Variants in SLC8A2 observed in about 807,000 individuals in gnomAD.
SLC8A2 encodes the protein sodium/calcium exchanger 2.
In SLC8A2, 14 loss-of-function variants were observed where a neutral mutation model predicts 70.2. The observed-to-expected ratio is 0.20, with a 90% CI of 0.13 to 0.31. SLC8A2 has a LOEUF of 0.31. SLC8A2 is among the 10% of genes least tolerant of loss of function. The pLI is 1.00. For synonymous variants in SLC8A2, 575 were observed against 594.3 expected (o/e 0.97, Z 0.47); for missense variants, 779 against 1,320.1 (o/e 0.59, Z 6.35).
Position 47,447,415 on chromosome 19 carries a change from C to G in SLC8A2, c.1763+394G>C. On this transcript the variant is annotated intron_variant, in intron 4 of 9. Coordinates refer to ENST00000236877, the MANE Select transcript of SLC8A2 (RefSeq NM_015063.3). This position sits in a 1 kb window ranked among gnomAD's most constrained non-coding sequence, Gnocchi z 5.1. The stretch of plus-strand genomic sequence containing the variant: ...CTCCTCACCTCGTCCCCCCTTCCTC[C>G]TTGGGGCCCTCTTCTCACCTGTCCG... 1 of 264,282 alleles carries G rather than the reference C, an allele frequency of 3.8e-6. No homozygotes were observed. The highest frequency in any genetic ancestry group is 7.3e-6 in the Non-Finnish European group (1 of 137,654). 16.4% of individuals were successfully genotyped at this position (264,282 alleles called of 1,614,324 possible). A position where few individuals can be genotyped will look rare whatever the true frequency, so the allele number is the denominator to read the frequency against.
intron 3 of SLC8A2, among the ~76,000 whole-genome samples, chr19:47,454,762 A>G (rs1004994301): frequency 1.3e-5 from 2 of 152,198 alleles, no homozygotes; most frequent in African/African-American, 4.8e-5. Flanking sequence ...AAAAGCAGCC[A>G]GGCACACAGT....
rs1280160296 is a variant in SLC8A2, at chr19:47,466,818, G to C, written c.-16-399C>G. ...TGCGGTGGCTACGCCTGTAATCCCT[G>C]AACTTTGGGAGGCTGAGGTGGGTGG... is the stretch of plus-strand genomic sequence containing the variant. On this transcript the variant is annotated intron_variant, in intron 1 of 9. Coordinates refer to ENST00000236877, the MANE Select transcript of SLC8A2 (RefSeq NM_015063.3). This position sits in a 1 kb window ranked among gnomAD's most constrained non-coding sequence, Gnocchi z 6.9. 6.6e-6 allele frequency among the ~76,000 whole-genome samples: 1 copy of C among 152,144 alleles called. No individual in the cohort carries two copies. Among genetic ancestry groups the C allele is most frequent in the Admixed American group, 6.5e-5 (1 of 15,274 alleles).
chr19:47,457,552 C>T lies in SLC8A2; in HGVS notation c.718G>A (p.Val240Met). 6.3e-7 allele frequency: 1 copy of T among 1,594,546 alleles called. No homozygotes were observed. The highest frequency in any genetic ancestry group is 8.5e-7 in the Non-Finnish European group (1 of 1,171,118). Residue 240 changes from valine to methionine, a missense_variant, in exon 3 of 10, where the codon GTG becomes ATG. Coordinates refer to ENST00000236877, the MANE Select transcript of SLC8A2 (RefSeq NM_015063.3). The stretch of plus-strand genomic sequence containing the variant: ...TTGTCGGCCATCCAGGCGAATACCA[C>T]GCACACCGGGAAGAAGACCAGGGTC... The part of the protein sequence containing the change: ...LLTLVFFPVC[V>M]VFAWMADKRL...
intron 3 of SLC8A2, among the ~76,000 whole-genome samples, chr19:47,451,313 TTTTG>T (rs893553293): frequency 2.1e-5 from 3 of 144,214 alleles, no homozygotes; most frequent in African/African-American, 8.6e-5. Context: ...CAGACCTTTT[TTTTG>T]TTTTTGTTTG....
In SLC8A2 at chr19:47,464,332, G is replaced by A. The variant is rs147013274; in HGVS notation, c.675+1397C>T. 5.6e-3 allele frequency among the ~76,000 whole-genome samples: 856 copies of A among 152,054 alleles called. 11 individuals are homozygous for A. The highest frequency in any genetic ancestry group is 0.02 in the African/African-American group (812 of 41,472). On this transcript the variant is annotated intron_variant, in intron 2 of 9. Coordinates refer to ENST00000236877, the MANE Select transcript of SLC8A2 (RefSeq NM_015063.3). ...TCACCATGTTGGCCAGGCTGGTCTC[G>A]AACTCCTGACCTCAAGTGATCTTCC...
chr19:47,443,059 C>T (rs1967117927), intron 4 of SLC8A2, among the ~76,000 whole-genome samples: 3 of 152,096 alleles, frequency 2.0e-5, no homozygotes, highest in Admixed American at 2.0e-4. Flanking sequence ...CATTTGCTTC[C>T]CCATCTTTAA....
At position 47,430,133 on chromosome 19, in the gene SLC8A2, G is replaced by C. The variant is rs1966935591; in HGVS notation, c.2722C>G (p.Leu908Val). The C allele has an allele frequency of 4.4e-6, 7 of 1,593,084 alleles. No individual in the cohort carries two copies. In the South Asian group the frequency reaches 6.8e-5, roughly 15 times the overall value. ...LFLGLWLLYILFASLEAYCHI... is the reference protein window; with the variant it reads ...LFLGLWLLYIVFASLEAYCHI... ...CAGTACGCCTCCAGGCTGGCGAAGA[G>C]GATGTACAGGAGCCAGAGGCCCAGG... Residue 908 changes from leucine to valine, a missense_variant, in exon 10 of 10, where the codon CTC becomes GTC. Leu to Val is a conservative substitution (Grantham distance 32, BLOSUM62 1). Transcript: ENST00000236877. This position sits in a 1 kb window ranked among gnomAD's most constrained non-coding sequence, Gnocchi z 5.9.
intron 8 of SLC8A2, among the ~76,000 whole-genome samples, chr19:47,434,802 C>T (rs1476900548): frequency 1.3e-5 from 2 of 152,158 alleles, no homozygotes; most frequent in Admixed American, 6.5e-5. Flanking sequence ...AACCAAAAGG[C>T]ACGTGCTGAA....
chr19:47,470,287 GC>G (rs1967517127), intron 1 of SLC8A2, among the ~76,000 whole-genome samples: 1 of 151,690 alleles, frequency 6.6e-6, no homozygotes, highest in South Asian at 2.1e-4. Context: ...GCCATCTGAA[GC>G]CCCCTCCGTG....
At position 47,457,577 on chromosome 19, in the gene SLC8A2, C is replaced by T; in HGVS notation, c.693G>A (p.Leu231=). Residue 231 remains leucine, a synonymous_variant, in exon 3 of 10, where the codon CTG becomes CTA. Transcript: ENST00000236877. ...CGCACACCGGGAAGAAGACCAGGGT[C>T]AGCAGCGCCTCCCACACCTGCGGGC... ...PGVVQVWEAL[L]TLVFFPVCVV... is the part of the protein sequence containing the mutation. 6.4e-7 allele frequency: 1 copy of T among 1,567,958 alleles called. No individual in the cohort carries two copies.
At position 47,428,843 on chromosome 19, in the gene SLC8A2, G is replaced by A. The variant is rs560009056; in HGVS notation, c.*1246C>T. The A allele has an allele frequency of 6.6e-6, 1 of 152,548 alleles. No individual in the cohort carries two copies. The highest frequency in any genetic ancestry group is 1.5e-5 in the Non-Finnish European group (1 of 68,052). The allele number at this position is 152,548 out of a possible 1,614,324, so 9.4% of individuals were successfully genotyped here. ...TGGGAAGCAGAAAGTTATGGGGGTA[G>A]TTGGGTCATCCTAGGGGCCCAAGGA... is the stretch of plus-strand genomic sequence containing the variant. On this transcript the variant is annotated 3_prime_UTR_variant, in exon 10 of 10. Coordinates refer to ENST00000236877, the MANE Select transcript of SLC8A2 (RefSeq NM_015063.3).
Position 47,447,474 on chromosome 19 carries a change from A to C in SLC8A2, c.1763+335T>G. ...TCTAGGCCTCGCCTCTTCATTTCAC[A>C]GTCACAACCCCACCAGGCCCCGCCC... On this transcript the variant is annotated intron_variant, in intron 4 of 9. Transcript: ENST00000236877. The surrounding 1 kb of genome is among the most constrained non-coding windows in gnomAD (Gnocchi z 5.1). The C allele has an allele frequency of 2.8e-6, 1 of 359,714 alleles. No individual in the cohort carries two copies. Among genetic ancestry groups the C allele is most frequent in the Non-Finnish European group, 5.1e-6 (1 of 196,834 alleles). The allele number at this position is 359,714 out of a possible 1,614,324, so 22.3% of individuals were successfully genotyped here. A position where few individuals can be genotyped will look rare whatever the true frequency, so the allele number is the denominator to read the frequency against.
intron 1 of SLC8A2, among the ~76,000 whole-genome samples, chr19:47,469,349 A>T (rs1288354667): frequency 6.6e-6 from 1 of 152,134 alleles, no homozygotes; most frequent in East Asian, 1.9e-4. Flanking sequence ...TTCAGGAGAA[A>T]CAGGGGCCAG....
chr19:47,466,392 CA>C lies in SLC8A2; in HGVS notation c.11del (p.Leu4ArgfsTer192). The C allele has an allele frequency of 7.0e-7, 1 of 1,419,190 alleles. No individual in the cohort carries two copies. The highest frequency in any genetic ancestry group is 9.2e-7 in the Non-Finnish European group (1 of 1,084,116). 87.9% of individuals were successfully genotyped at this position (1,419,190 alleles called of 1,614,324 possible). A position where few individuals can be genotyped will look rare whatever the true frequency, so the allele number is the denominator to read the frequency against. On this transcript the variant is annotated frameshift_variant, in exon 2 of 10. Transcript: ENST00000236877. LOFTEE classifies it high-confidence loss of function. This position sits in a 1 kb window ranked among gnomAD's most constrained non-coding sequence, Gnocchi z 6.9. MAP[L>X]ALVGVTLLLA... Reference sequence around the variant, plus strand: ...GGAGGAGTGTGACCCCCACCAAGGCCAGGGGAGCCATGGGGGGTGGTGGGGT... The same window carrying C: ...GGAGGAGTGTGACCCCCACCAAGGCCGGGGAGCCATGGGGGGTGGTGGGGT...
chr19:47,441,166 C>T lies in SLC8A2; in HGVS notation c.1885+3G>A. On this transcript the variant is annotated splice_donor_region_variant and intron_variant, in intron 6 of 9. Transcript: ENST00000236877. ...CTCAGAGCCCAGAGGTGACTTCACT[C>T]ACCTTGATTGAGTAGCAGAGCTGGG... 1 of 1,614,036 alleles carries T rather than the reference C, an allele frequency of 6.2e-7. No homozygotes were observed. Among genetic ancestry groups the T allele is most frequent in the Non-Finnish European group, 8.5e-7 (1 of 1,179,952 alleles).
rs1967184533 is a variant in SLC8A2 at position 47,447,755 on chromosome 19, G to T, written c.1763+54C>A. On this transcript the variant is annotated intron_variant, in intron 4 of 9. Coordinates refer to ENST00000236877, the MANE Select transcript of SLC8A2 (RefSeq NM_015063.3). This position sits in a 1 kb window ranked among gnomAD's most constrained non-coding sequence, Gnocchi z 5.1. ...AGGCCCCGCCCCTGAGCCACATCAG[G>T]CCTCGCCCATTCCGAAGCCCCGCCC... is the stretch of plus-strand genomic sequence containing the variant. 3.3e-6 allele frequency: 5 copies of T among 1,496,468 alleles called. No individual in the cohort carries two copies. The highest frequency in any genetic ancestry group is 1.8e-6 in the Non-Finnish European group (2 of 1,129,864). The allele number at this position is 1,496,468 out of a possible 1,614,324, so 92.7% of individuals were successfully genotyped here.
rs895524785 is a variant in SLC8A2 at position 47,435,550 on chromosome 19, G to GTTT, written c.2110+1909_2110+1911dup. On this transcript the variant is annotated intron_variant, in intron 8 of 9. Transcript: ENST00000236877. ...CGTCTCCTGCTAGTTTCTTTTCTTC[G>GTTT]TTTTTTTTTTTTTTTTTAGACGGAG... Among the ~76,000 whole-genome samples, 426 of 133,248 alleles carry GTTT rather than the reference G, an allele frequency of 3.2e-3. 6 individuals are homozygous for GTTT. The highest frequency in any genetic ancestry group is 0.01 in the African/African-American group (365 of 35,460). The allele number at this position is 133,248 out of a possible 152,430, so 87.4% of individuals were successfully genotyped here.
Position 47,465,914 on chromosome 19 carries a change from T to C in SLC8A2, c.490A>G (p.Thr164Ala). Residue 164 changes from threonine (T) to alanine (A), a missense_variant, in exon 2 of 10, where the codon ACC becomes GCC. Physicochemically the swap from Thr to Ala is moderately conservative, Grantham distance 58. Coordinates refer to ENST00000236877, the MANE Select transcript of SLC8A2 (RefSeq NM_015063.3). This position sits in a 1 kb window ranked among gnomAD's most constrained non-coding sequence, Gnocchi z 5.5. ...NFQAGELGPGTIVGSAAFNMF... is the reference protein window; with the variant it reads ...NFQAGELGPGAIVGSAAFNMF... ...TTGAAGGCAGCGCTGCCCACGATGG[T>C]GCCTGGGCCCAGCTCACCCGCCTGG... is the stretch of plus-strand genomic sequence containing the variant. 1 of 1,614,072 alleles carries C rather than the reference T, an allele frequency of 6.2e-7. No homozygotes were observed. The highest frequency in any genetic ancestry group is 8.5e-7 in the Non-Finnish European group (1 of 1,180,012).
chr19:47,461,233 G>A (rs769102160), intron 2 of SLC8A2, among the ~76,000 whole-genome samples: 13 of 151,936 alleles, frequency 8.6e-5, no homozygotes, highest in Non-Finnish European at 1.6e-4. Context: ...CGAAGGCCAG[G>A]CACAGTGGCT....
Sources: gnomAD v4.1 joint callset for allele counts (sites outside exome capture counted in the v4.1 genomes callset) on GRCh38, gnomAD v4.1.1 for gene constraint, Gnocchi (gnomAD v3.1) non-coding constraint, MANE v1.5 for transcripts, NCBI Gene and HGNC (gene_info 2026-07-23, HGNC 2026-07-21) for gene names.